MAST4: variants seen among roughly 807,000 people sequenced by gnomAD.
MAST4 encodes the protein microtubule associated serine/threonine kinase family member 4.
A neutral mutation model predicts 162.7 loss-of-function variants in MAST4; 89 were observed. That is an observed-to-expected ratio of 0.55 (90% CI 0.46 to 0.65). MAST4 has a LOEUF of 0.65. Ranked by LOEUF, MAST4 falls within the 30% of genes least tolerant of loss-of-function variation. The pLI is 0.00. For synonymous variants in MAST4, 1,479 were observed against 1,361.1 expected (o/e 1.09, Z -1.91); for missense variants, 3,153 against 3,374.0 (o/e 0.93, Z 1.62).
At chr5:66,675,713 A>G (rs1747902237) in intron 1 of MAST4, among the ~76,000 whole-genome samples, 1 of 152,142 alleles carries the variant, frequency 6.6e-6, no homozygotes, top group African/African-American at 2.4e-5. Flanking sequence ...TGACGAAGAG[A>G]ATTAGGATCC....
intron 4 of MAST4, among the ~76,000 whole-genome samples, chr5:67,013,348 G>C (rs1752911743): frequency 6.6e-6 from 1 of 152,132 alleles, no homozygotes. Context: ...GAAAAACCTA[G>C]GTGGAGGGAA....
chr5:66,702,527 A>T (rs1749848147), intron 1 of MAST4, among the ~76,000 whole-genome samples: 1 of 152,146 alleles, frequency 6.6e-6, no homozygotes, highest in Non-Finnish European at 1.5e-5. Flanking sequence ...TTGGTCAAGG[A>T]AGGCCTTTCG....
intron 1 of MAST4, among the ~76,000 whole-genome samples, chr5:66,616,457 A>T (rs143900556): frequency 6.6e-6 from 1 of 152,352 alleles, no homozygotes; most frequent in African/African-American, 2.4e-5. Flanking sequence ...GAACTGTCTC[A>T]AATAAGACCA....
At chr5:67,145,608 G>A (rs867014724) in intron 23 of MAST4, among the ~76,000 whole-genome samples, 2 of 152,158 alleles carry the variant, frequency 1.3e-5, no homozygotes, top group African/African-American at 2.4e-5. Flanking sequence ...TATTGCTTCC[G>A]TTTGACCTTG....
chr5:66,770,581 G>A (rs957270761), intron 2 of MAST4, among the ~76,000 whole-genome samples: 1 of 152,202 alleles, frequency 6.6e-6, no homozygotes. Context: ...CCTCTTGGAA[G>A]CCCAAATCTC....
At chr5:67,144,534 G>T in intron 21 of MAST4, 135 bp from the exon 22 acceptor site, 14 of 861,178 alleles carry the variant, frequency 1.6e-5, no homozygotes, top group Non-Finnish European at 2.3e-5. Context: ...AACAACACTG[G>T]AAAGTACTTT....
chr5:66,883,575 C>G (rs533255731), intron 3 of MAST4, among the ~76,000 whole-genome samples: 1 of 151,580 alleles, frequency 6.6e-6, no homozygotes, highest in Non-Finnish European at 1.5e-5. Context: ...ACTACAGGTG[C>G]GCACCACCAG....
intron 4 of MAST4, among the ~76,000 whole-genome samples, chr5:67,022,125 A>G (rs979258564): frequency 2.0e-5 from 3 of 152,228 alleles, no homozygotes; most frequent in Non-Finnish European, 4.4e-5. Flanking sequence ...ATGCCAGCAT[A>G]GTGCCTGGCA....
At chr5:66,685,502 C>G (rs905070583) in intron 1 of MAST4, among the ~76,000 whole-genome samples, 2 of 151,828 alleles carry the variant, frequency 1.3e-5, no homozygotes, top group African/African-American at 2.4e-5. Context: ...TGCTTTCTTC[C>G]TAGAGAATTT....
intron 24 of MAST4, 86 bp from the exon 25 acceptor site, chr5:67,152,551 C>A: frequency 9.6e-7 from 1 of 1,042,534 alleles, no homozygotes; most frequent in Non-Finnish European, 1.5e-6. Context: ...TGCCCCCAGT[C>A]CTGGCAAGGC....
intron 4 of MAST4, chr5:66,986,519 G>T: frequency 6.5e-7 from 1 of 1,527,606 alleles, no homozygotes. Flanking sequence ...CATATCCAAA[G>T]CTCATATTGT....
At position 67,163,233 on chromosome 5, in the gene MAST4, C is replaced by T; in HGVS notation, c.4054C>T (p.His1352Tyr). The part of the protein sequence containing the change: ...GSGHIRPSTL[H>Y]GLAPKLGGQR... ...CGGGCACATCCGGCCCAGCACTCTC[C>T]ACGGTCTTGCACCCAAACTCGGCGG... Residue 1352 changes from histidine to tyrosine, a missense_variant, in exon 29 of 29, where the codon CAC becomes TAC. His to Tyr is a moderately conservative substitution (Grantham distance 83). Transcript: ENST00000403625. This position sits in a 1 kb window ranked among gnomAD's most constrained non-coding sequence, Gnocchi z 7.0. The T allele has an allele frequency of 2.5e-6, 4 of 1,613,924 alleles. No homozygotes were observed. The highest frequency in any genetic ancestry group is 3.4e-6 in the Non-Finnish European group (4 of 1,179,906).
rs540070065 is a variant in MAST4, at chr5:67,117,070, A to G, written c.1592-1612A>G. On this transcript the variant is annotated intron_variant, in intron 12 of 28. Coordinates refer to ENST00000403625, the MANE Select transcript of MAST4 (RefSeq NM_001164664.2). Reference sequence around the variant, plus strand: ...GATAATAATAGTATCTATTTATAGAATTGTTTTGAGGATTCTATGTTTATC... The same window carrying G: ...GATAATAATAGTATCTATTTATAGAGTTGTTTTGAGGATTCTATGTTTATC... Among the ~76,000 whole-genome samples the G allele has an allele frequency of 2.0e-5, 3 of 152,314 alleles. No homozygotes were observed. The South Asian group carries it at 6.2e-4, about 32-fold the overall frequency.
intron 3 of MAST4, among the ~76,000 whole-genome samples, chr5:66,845,353 G>A (rs1340374594): frequency 2.0e-5 from 3 of 151,670 alleles, no homozygotes; most frequent in Admixed American, 1.3e-4. Flanking sequence ...CCACCTATGA[G>A]TAAGAACATG....
chr5:67,154,039 TTA>T (rs929061857), intron 26 of MAST4, among the ~76,000 whole-genome samples: 1 of 152,218 alleles, frequency 6.6e-6, no homozygotes, highest in African/African-American at 2.4e-5. Context: ...GTACTATAAA[TTA>T]TAAAAAATAA....
intron 1 of MAST4, among the ~76,000 whole-genome samples, chr5:66,723,343 G>T (rs192463422): frequency 6.6e-6 from 1 of 152,200 alleles, no homozygotes; most frequent in Admixed American, 6.5e-5. Context: ...CTGGAATCTT[G>T]CTCTCTCATA....
intron 3 of MAST4, among the ~76,000 whole-genome samples, chr5:66,885,781 G>T (rs781411687): frequency 1.3e-5 from 2 of 152,028 alleles, no homozygotes; most frequent in Non-Finnish European, 2.9e-5. Context: ...TCTGTCCTTT[G>T]GTGCGCTGAA....
intron 1 of MAST4, among the ~76,000 whole-genome samples, chr5:66,636,365 C>T (rs891944346): frequency 2.6e-5 from 4 of 152,136 alleles, no homozygotes; most frequent in Non-Finnish European, 4.4e-5. Flanking sequence ...CAAGTATTTC[C>T]CTCACTTACT....
At chr5:67,125,466 T>C (rs546847690) in intron 14 of MAST4, among the ~76,000 whole-genome samples, 29 of 152,254 alleles carry the variant, frequency 1.9e-4, no homozygotes, top group African/African-American at 6.7e-4. Context: ...TGTGTTCTCA[T>C]TGTTCAACTT....
Sources: gnomAD v4.1 joint callset for allele counts (sites outside exome capture counted in the v4.1 genomes callset) on GRCh38, gnomAD v4.1.1 for gene constraint, Gnocchi (gnomAD v3.1) non-coding constraint, MANE v1.5 for transcripts, NCBI Gene and HGNC (gene_info 2026-07-23, HGNC 2026-07-21) for gene names.